The following ZNF423 variants were observed in gnomAD, a reference collection of about 807,000 sequenced individuals.
ZNF423 encodes zinc finger protein 423.
Under a neutral mutation model 95.8 loss-of-function variants are expected in ZNF423, and 12 were observed. The ratio of observed to expected loss-of-function variants is 0.13; its 90% CI spans 0.08 to 0.20. The LOEUF (loss-of-function observed/expected upper bound fraction) is 0.20, where lower values mean the gene tolerates loss of function less well. Among genes scored for constraint, ZNF423 ranks in the 10% least tolerant of loss-of-function variants. The pLI is 1.00. For missense variants in ZNF423, 1,316 were observed against 1,737.1 expected (o/e 0.76, Z 4.31); for synonymous variants, 749 against 711.9 (o/e 1.05, Z -0.83).
chr16:49,818,675 TAA>T (rs767459632), intron 1 of ZNF423, among the ~76,000 whole-genome samples: 37 of 151,868 alleles, frequency 2.4e-4, no homozygotes, highest in Middle Eastern at 3.5e-3. Flanking sequence ...CCCTTGAGGC[TAA>T]GAGTTCAAGA....
intron 1 of ZNF423, among the ~76,000 whole-genome samples, chr16:49,852,763 C>A (rs1352824437): frequency 6.6e-6 from 1 of 151,992 alleles, no homozygotes; most frequent in African/African-American, 2.4e-5. Flanking sequence ...TATTCTCCCC[C>A]CTCCCCTAGT....
chr16:49,744,028 C>T (rs1160779445), intron 2 of ZNF423, among the ~76,000 whole-genome samples: 1 of 152,078 alleles, frequency 6.6e-6, no homozygotes, highest in Admixed American at 6.5e-5. Context: ...AGGAGGGTGG[C>T]AGCCTCAGCC....
intron 1 of ZNF423, among the ~76,000 whole-genome samples, chr16:49,834,989 G>C (rs142632360): frequency 0.021 from 3,262 of 152,250 alleles, 43 homozygotes; most frequent in Admixed American, 0.03. Context: ...GTGCGCCTTG[G>C]GGGGCCAGGG....
At chr16:49,524,689 C>T (rs1968534807) in intron 6 of ZNF423, among the ~76,000 whole-genome samples, 1 of 152,232 alleles carries the variant, frequency 6.6e-6, no homozygotes, top group African/African-American at 2.4e-5. Context: ...CAGAGATACC[C>T]TCCTGCCAGG....
At chr16:49,789,579 T>C (rs753409025) in intron 1 of ZNF423, 33 bp from the exon 2 acceptor site, 2 of 1,603,014 alleles carry the variant, frequency 1.2e-6, no homozygotes, top group South Asian at 1.1e-5. Flanking sequence ...GCCTGTGAGT[T>C]TGAAGGCTGT....
chr16:49,693,281 G>A (rs754489104), intron 3 of ZNF423, among the ~76,000 whole-genome samples: 3 of 152,146 alleles, frequency 2.0e-5, no homozygotes, highest in Admixed American at 6.5e-5. Context: ...GGAAGAACCC[G>A]TGAGTATGAG....
At chr16:49,803,240 C>T (rs146241662) in intron 1 of ZNF423, among the ~76,000 whole-genome samples, 2,463 of 152,114 alleles carry the variant, frequency 0.016, 62 homozygotes, top group African/African-American at 0.057. Context: ...GCCTGAGTGA[C>T]ACAGCCAGAC....
At chr16:49,500,351 C>A (rs1045569296) in intron 7 of ZNF423, among the ~76,000 whole-genome samples, 1 of 152,122 alleles carries the variant, frequency 6.6e-6, no homozygotes, top group Non-Finnish European at 1.5e-5. Context: ...GCCTTTGGCC[C>A]CCTCCTGGGT....
intron 5 of ZNF423, among the ~76,000 whole-genome samples, chr16:49,528,731 T>A (rs1276629164): frequency 1.3e-5 from 2 of 151,680 alleles, no homozygotes; most frequent in Non-Finnish European, 2.9e-5. Context: ...CCATTACGTG[T>A]ATCTCTGCCT....
At chr16:49,581,868 T>C (rs1970687734) in intron 5 of ZNF423, among the ~76,000 whole-genome samples, 1 of 152,218 alleles carries the variant, frequency 6.6e-6, no homozygotes, top group Non-Finnish European at 1.5e-5. Flanking sequence ...AAACGGGACC[T>C]GCCAACCCGG....
chr16:49,707,145 G>A (rs751228069), intron 3 of ZNF423, among the ~76,000 whole-genome samples: 3 of 151,712 alleles, frequency 2.0e-5, no homozygotes, highest in African/African-American at 7.3e-5. Context: ...CGCTCCCTGG[G>A]TACCTACCCC....
chr16:49,650,856 T>C (rs1476792041), intron 3 of ZNF423, among the ~76,000 whole-genome samples: 2 of 152,212 alleles, frequency 1.3e-5, no homozygotes, highest in African/African-American at 4.8e-5. Flanking sequence ...AATGATGCCC[T>C]GAGCAATGGG....
chr16:49,699,977 G>C (rs1596878134), intron 3 of ZNF423, among the ~76,000 whole-genome samples: 1 of 152,088 alleles, frequency 6.6e-6, no homozygotes, highest in Non-Finnish European at 1.5e-5. Context: ...CCTCCCTGGG[G>C]AGTCTGCAGC....
At chr16:49,725,401 A>T (rs1421331246) in intron 3 of ZNF423, among the ~76,000 whole-genome samples, 5 of 152,004 alleles carry the variant, frequency 3.3e-5, no homozygotes, top group African/African-American at 7.3e-5. Flanking sequence ...CTAATTAATT[A>T]AAAAAAATGA....
intron 5 of ZNF423, among the ~76,000 whole-genome samples, chr16:49,611,382 G>A (rs1039003819): frequency 2.6e-5 from 4 of 151,872 alleles, no homozygotes; most frequent in East Asian, 3.9e-4. Flanking sequence ...GAAACTATAC[G>A]ACGTACCTCT....
At chr16:49,719,993 T>A (rs547167308) in intron 3 of ZNF423, among the ~76,000 whole-genome samples, 2 of 152,216 alleles carry the variant, frequency 1.3e-5, no homozygotes, top group South Asian at 4.2e-4. Flanking sequence ...CCAGCCTCTC[T>A]CCAGCCTGGC....
intron 5 of ZNF423, among the ~76,000 whole-genome samples, chr16:49,549,201 C>G (rs944425390): frequency 9.2e-5 from 14 of 152,134 alleles, no homozygotes; most frequent in African/African-American, 3.4e-4. Flanking sequence ...GGCCGTGGGG[C>G]TCTTGGCTTT....
intron 2 of ZNF423, among the ~76,000 whole-genome samples, chr16:49,780,875 G>A (rs2034201165): frequency 6.6e-6 from 1 of 152,248 alleles, no homozygotes; most frequent in Admixed American, 6.5e-5. Context: ...TATTTAGTGA[G>A]ACTTTTTTGC....
At chr16:49,611,214 T>C (rs955970318) in intron 5 of ZNF423, among the ~76,000 whole-genome samples, 2 of 152,024 alleles carry the variant, frequency 1.3e-5, no homozygotes, top group East Asian at 3.8e-4. Context: ...TTTTTTCAAA[T>C]GCGTAGAGAA....
Sources: gnomAD v4.1 joint callset for allele counts (sites outside exome capture counted in the v4.1 genomes callset) on GRCh38, gnomAD v4.1.1 for gene constraint, MANE v1.5 for transcripts, NCBI Gene and HGNC (gene_info 2026-07-23, HGNC 2026-07-21) for gene names.